SUGCT: variants seen among roughly 807,000 people sequenced by gnomAD.
SUGCT encodes succinyl-CoA:glutarate-CoA transferase.
SUGCT carries 41 observed loss-of-function variants against 55.0 expected under a neutral mutation model. The ratio of observed to expected loss-of-function variants is 0.74; its 90% CI spans 0.58 to 0.97. The LOEUF is 0.97. SUGCT is among the 50% of genes least tolerant of loss of function. The pLI, the probability that SUGCT is intolerant of heterozygous loss-of-function variation, is 0.00. For missense variants in SUGCT, 568 were observed against 547.8 expected, an observed-to-expected ratio of 1.04 and a Z score of -0.37; for synonymous variants, 187 against 200.4, an observed-to-expected ratio of 0.93 and a Z score of 0.56.
intron 8 of SUGCT, among the ~76,000 whole-genome samples, chr7:40,310,780 AAACCACCC>A (rs1795102223): frequency 6.6e-6 from 1 of 152,200 alleles, no homozygotes; most frequent in Non-Finnish European, 1.5e-5. Flanking sequence ...AGCTTATTTA[AAACCACCC>A]ATTCTTGGCA....
At chr7:40,256,339 T>G (rs1188670892) in intron 7 of SUGCT, among the ~76,000 whole-genome samples, 1 of 152,168 alleles carries the variant, frequency 6.6e-6, no homozygotes, top group Non-Finnish European at 1.5e-5. Context: ...TCTTAGTAGT[T>G]TTTGGCCTTC....
intron 12 of SUGCT, among the ~76,000 whole-genome samples, chr7:40,640,202 A>G (rs1261502515): frequency 6.6e-6 from 1 of 152,228 alleles, no homozygotes; most frequent in Non-Finnish European, 1.5e-5. Context: ...AAATCTAACC[A>G]TGGGAAGTGA....
chr7:40,907,246 GTA>G, the SUGCT span, among the ~76,000 whole-genome samples: 1 of 151,972 alleles, frequency 6.6e-6, no homozygotes, highest in Non-Finnish European at 1.5e-5. Context: ...CAGAAATGCA[GTA>G]TCAATGTCCT....
intron 12 of SUGCT, among the ~76,000 whole-genome samples, chr7:40,556,433 C>T (rs1795567190): frequency 6.6e-6 from 1 of 152,208 alleles, no homozygotes; most frequent in African/African-American, 2.4e-5. Flanking sequence ...CTTCTCAGTC[C>T]TGCTTTCCTT....
At chr7:40,844,037 A>G (rs557480269) in intron 13 of SUGCT, among the ~76,000 whole-genome samples, 13 of 152,142 alleles carry the variant, frequency 8.5e-5, no homozygotes, top group Middle Eastern at 6.8e-3. Flanking sequence ...AACCAGGGCA[A>G]ATCAACACTG....
intron 9 of SUGCT, among the ~76,000 whole-genome samples, chr7:40,438,424 C>A (rs969395956): frequency 1.9e-4 from 29 of 152,144 alleles, no homozygotes; most frequent in African/African-American, 7.0e-4. Context: ...AAAAGATCTC[C>A]CTCTCCAGGA....
intron 1 of SUGCT, among the ~76,000 whole-genome samples, chr7:40,170,655 G>C (rs1056323646): frequency 6.7e-6 from 1 of 149,874 alleles, no homozygotes; most frequent in South Asian, 2.1e-4. Flanking sequence ...TACGCTCACC[G>C]ATGTAGCAGT....
chr7:40,890,307 ATATT>A, the SUGCT span, among the ~76,000 whole-genome samples: 7 of 114,000 alleles, frequency 6.1e-5, no homozygotes, highest in African/African-American at 8.9e-5. Context: ...TATAAATTAA[ATATT>A]TATGTTATAT....
intron 13 of SUGCT, among the ~76,000 whole-genome samples, chr7:40,845,054 G>GT (rs138767760): frequency 0.21 from 32,269 of 151,160 alleles, 4,498 homozygotes; most frequent in East Asian, 0.79. Flanking sequence ...GTTTTTGGTG[G>GT]TTTATTTTTT....
At chr7:40,631,935 A>G (rs561192828) in intron 12 of SUGCT, among the ~76,000 whole-genome samples, 16 of 152,236 alleles carry the variant, frequency 1.1e-4, no homozygotes, top group Admixed American at 6.5e-4. Flanking sequence ...GTCATCCCCA[A>G]CTTGATTTTT....
At chr7:40,911,393 T>C in the SUGCT span, among the ~76,000 whole-genome samples, 1 of 151,858 alleles carries the variant, frequency 6.6e-6, no homozygotes, top group Non-Finnish European at 1.5e-5. Flanking sequence ...AACAATTGTA[T>C]AGTGATTAAA....
intron 12 of SUGCT, among the ~76,000 whole-genome samples, chr7:40,713,773 T>C (rs1160978657): frequency 2.0e-5 from 3 of 152,158 alleles, no homozygotes; most frequent in Non-Finnish European, 2.9e-5. Flanking sequence ...AGAAAATTGT[T>C]TGGATTATTC....
chr7:40,873,830 T>C, the SUGCT span, among the ~76,000 whole-genome samples: 1 of 152,230 alleles, frequency 6.6e-6, no homozygotes, highest in Non-Finnish European at 1.5e-5. Flanking sequence ...ATAAAGTTGA[T>C]GCATAATAAC....
the SUGCT span, among the ~76,000 whole-genome samples, chr7:40,895,301 G>A: frequency 4.3e-3 from 659 of 152,094 alleles, 7 homozygotes; most frequent in South Asian, 8.5e-3. Flanking sequence ...TAGACATTGG[G>A]GCCTACTTGA....
intron 12 of SUGCT, among the ~76,000 whole-genome samples, chr7:40,661,315 T>C (rs538017401): frequency 6.6e-6 from 1 of 152,340 alleles, no homozygotes; most frequent in African/African-American, 2.4e-5. Context: ...CTTCAGTTTT[T>C]TTCTTAGATC....
chr7:40,497,437 C>T (rs924914927), intron 12 of SUGCT, among the ~76,000 whole-genome samples: 10 of 151,998 alleles, frequency 6.6e-5, no homozygotes, highest in African/African-American at 1.4e-4. Context: ...GCTATTTTTT[C>T]GGCCAAGATT....
chr7:40,813,539 G>A (rs1456205354), intron 13 of SUGCT, among the ~76,000 whole-genome samples: 1 of 152,028 alleles, frequency 6.6e-6, no homozygotes, highest in Non-Finnish European at 1.5e-5. Context: ...AGCAACTTGT[G>A]CTCTCTTTTT....
intron 8 of SUGCT, among the ~76,000 whole-genome samples, chr7:40,295,288 C>A (rs1794053992): frequency 6.6e-6 from 1 of 151,872 alleles, no homozygotes; most frequent in Admixed American, 6.6e-5. Context: ...ATTTAAAGAA[C>A]TCACAGGGTA....
At chr7:40,829,894 A>G (rs1171404385) in intron 13 of SUGCT, among the ~76,000 whole-genome samples, 1 of 152,224 alleles carries the variant, frequency 6.6e-6, no homozygotes, top group Non-Finnish European at 1.5e-5. Context: ...CAATTCATGT[A>G]GCATGTGGCA....
Sources: gnomAD v4.1 joint callset for allele counts (sites outside exome capture counted in the v4.1 genomes callset) on GRCh38, gnomAD v4.1.1 for gene constraint, MANE v1.5 for transcripts, NCBI Gene and HGNC (gene_info 2026-07-23, HGNC 2026-07-21) for gene names.